The following ITGBL1 variants were observed in gnomAD, a reference collection of about 807,000 sequenced individuals.
ITGBL1 encodes integrin subunit beta like 1.
Under a neutral mutation model 68.5 loss-of-function variants are expected in ITGBL1, and 51 were observed. The observed-to-expected ratio is 0.74, with a 90% CI of 0.59 to 0.94. ITGBL1 has a LOEUF of 0.94. Among genes scored for constraint, ITGBL1 ranks in the 40% least tolerant of loss-of-function variants. The pLI is 0.00. For missense variants in ITGBL1, 649 were observed against 647.4 expected (o/e 1.00, Z -0.03); for synonymous variants, 209 against 227.3 (o/e 0.92, Z 0.72).
At chr13:101,676,262 T>C (rs2033500161) in intron 7 of ITGBL1, among the ~76,000 whole-genome samples, 1 of 152,136 alleles carries the variant, frequency 6.6e-6, no homozygotes, top group Non-Finnish European at 1.5e-5. Flanking sequence ...TTTATCAAAA[T>C]CGGTAGAATT....
chr13:101,683,439 A>G (rs970906169), intron 7 of ITGBL1, among the ~76,000 whole-genome samples: 2 of 152,044 alleles, frequency 1.3e-5, no homozygotes, highest in African/African-American at 4.8e-5. Context: ...ATAGTGTTTC[A>G]TTTAAGAATA....
chr13:101,613,985 G>T (rs1369550092), intron 7 of ITGBL1, among the ~76,000 whole-genome samples: 1 of 144,630 alleles, frequency 6.9e-6, no homozygotes, highest in Non-Finnish European at 1.5e-5. Flanking sequence ...AAAACTTATT[G>T]CTCTGTGGTG....
rs953239047 is a variant in ITGBL1 at position 101,650,199 on chromosome 13, C to T, written c.1016-42386C>T. Among the ~76,000 whole-genome samples the T allele has an allele frequency of 5.3e-5, 8 of 152,134 alleles. No individual in the cohort carries two copies. In the South Asian group the frequency reaches 6.2e-4, roughly 12 times the overall value. On this transcript the variant is annotated intron_variant, in intron 7 of 10. Transcript: ENST00000376180. The stretch of plus-strand genomic sequence containing the variant: ...AGTAAATGTAATTGTTGCCCTGCAC[C>T]GTGGTCTTATATTTTCTCAGATATA...
At chr13:101,598,372 T>G (rs1006721189) in intron 7 of ITGBL1, 73 bp downstream of exon 7, 20 of 1,182,746 alleles carry the variant, frequency 1.7e-5, no homozygotes, top group Admixed American at 3.6e-5. Context: ...ACACACATCT[T>G]TTTGTTTGTT....
intron 7 of ITGBL1, among the ~76,000 whole-genome samples, chr13:101,653,593 C>T (rs1347927059): frequency 6.6e-6 from 1 of 152,048 alleles, no homozygotes; most frequent in African/African-American, 2.4e-5. Flanking sequence ...GAAGAGGGCT[C>T]CAAAAACATG....
chr13:101,491,605 G>A (rs1310085144), intron 2 of ITGBL1, among the ~76,000 whole-genome samples: 1 of 151,782 alleles, frequency 6.6e-6, no homozygotes, highest in African/African-American at 2.4e-5. Flanking sequence ...TCACCTGGAT[G>A]AGCATTGCTT....
chr13:101,614,242 C>A (rs2031258638), intron 7 of ITGBL1, among the ~76,000 whole-genome samples: 1 of 152,076 alleles, frequency 6.6e-6, no homozygotes, highest in Non-Finnish European at 1.5e-5. Context: ...GTCAGAAATG[C>A]ATTTTGGGTT....
intron 2 of ITGBL1, among the ~76,000 whole-genome samples, chr13:101,481,085 C>CATACGCATAT (rs2048615653): frequency 6.7e-6 from 1 of 149,006 alleles, no homozygotes; most frequent in African/African-American, 2.5e-5. Flanking sequence ...TATATACACA[C>CATACGCATAT]ATATATATAC....
chr13:101,502,693 T>C (rs892934452), intron 2 of ITGBL1, among the ~76,000 whole-genome samples: 1 of 152,212 alleles, frequency 6.6e-6, no homozygotes. Context: ...TTATGAGAGA[T>C]ATGAGTAAAC....
intron 7 of ITGBL1, among the ~76,000 whole-genome samples, chr13:101,638,388 C>T (rs932591287): frequency 4.6e-5 from 7 of 151,752 alleles, no homozygotes; most frequent in Non-Finnish European, 1.0e-4. Context: ...TAGCACACAG[C>T]TTGGCACATG....
At chr13:101,588,121 A>G (rs2050588752) in intron 6 of ITGBL1, among the ~76,000 whole-genome samples, 1 of 152,220 alleles carries the variant, frequency 6.6e-6, no homozygotes, top group Non-Finnish European at 1.5e-5. Flanking sequence ...AAGTTTAGTT[A>G]ACACCCTTTC....
At chr13:101,540,646 G>A (rs1450540740) in intron 2 of ITGBL1, among the ~76,000 whole-genome samples, 1 of 152,190 alleles carries the variant, frequency 6.6e-6, no homozygotes, top group Non-Finnish European at 1.5e-5. Flanking sequence ...ACTTTGGGCA[G>A]TATGGCCATT....
At chr13:101,630,743 T>A (rs2031950844) in intron 7 of ITGBL1, among the ~76,000 whole-genome samples, 1 of 152,214 alleles carries the variant, frequency 6.6e-6, no homozygotes, top group Non-Finnish European at 1.5e-5. Context: ...ATCTGCATTG[T>A]TTTCAATGGC....
At chr13:101,478,313 G>T (rs2048566384) in intron 2 of ITGBL1, among the ~76,000 whole-genome samples, 1 of 151,908 alleles carries the variant, frequency 6.6e-6, no homozygotes, top group African/African-American at 2.4e-5. Flanking sequence ...CAAAAAACTG[G>T]GTATAGAAGG....
chr13:101,680,473 C>A (rs1289171459), intron 7 of ITGBL1, among the ~76,000 whole-genome samples: 3 of 150,112 alleles, frequency 2.0e-5, no homozygotes, highest in Non-Finnish European at 4.4e-5. Flanking sequence ...ACCACACCAG[C>A]AGGTGCATTT....
At chr13:101,570,336 T>C (rs1035260805) in intron 3 of ITGBL1, among the ~76,000 whole-genome samples, 13 of 152,150 alleles carry the variant, frequency 8.5e-5, no homozygotes, top group Admixed American at 8.5e-4. Flanking sequence ...TTTGCAATTC[T>C]TTACTTGTTG....
chr13:101,616,070 C>A (rs997236864), intron 7 of ITGBL1, among the ~76,000 whole-genome samples: 1 of 151,978 alleles, frequency 6.6e-6, no homozygotes, highest in Non-Finnish European at 1.5e-5. Flanking sequence ...TTAGATACAG[C>A]GTAAAAAAGA....
At chr13:101,504,368 C>T (rs1368178234) in intron 2 of ITGBL1, among the ~76,000 whole-genome samples, 1 of 152,106 alleles carries the variant, frequency 6.6e-6, no homozygotes, top group African/African-American at 2.4e-5. Context: ...CAAGTCCAAG[C>T]TCTTAACTAC....
intron 7 of ITGBL1, among the ~76,000 whole-genome samples, chr13:101,624,539 A>T: frequency 6.6e-6 from 1 of 152,194 alleles, no homozygotes; most frequent in Non-Finnish European, 1.5e-5. Flanking sequence ...CCAAAAGAAA[A>T]ACAGAGGTAG....
Sources: allele counts gnomAD v4.1 joint callset (sites outside exome capture counted in the v4.1 genomes callset), GRCh38; gene constraint gnomAD v4.1.1; transcripts MANE v1.5; gene names NCBI Gene and HGNC (gene_info 2026-07-23, HGNC 2026-07-21).